The following SS18L1 variants were observed in gnomAD, a reference collection of about 807,000 sequenced individuals.
The protein encoded by SS18L1 is calcium-responsive transactivator.
In SS18L1, 32 loss-of-function variants were observed where a neutral mutation model predicts 70.3. The ratio of observed to expected loss-of-function variants is 0.46; its 90% CI spans 0.34 to 0.61. The LOEUF (loss-of-function observed/expected upper bound fraction) is 0.61, where lower values mean the gene tolerates loss of function less well. Ranked by LOEUF, SS18L1 falls within the 20% of genes least tolerant of loss-of-function variation. SS18L1 has a pLI of 0.01. For synonymous variants in SS18L1, 237 were observed against 229.7 expected (o/e 1.03, Z -0.29); for missense variants, 430 against 542.1 (o/e 0.79, Z 2.05).
In SS18L1 at chr20:62,180,979, T is replaced by A. The variant is rs2057697319; in HGVS notation, c.*1771T>A. The A allele has an allele frequency of 5.5e-6, 1 of 181,678 alleles. No individual in the cohort carries two copies. Among genetic ancestry groups the A allele is most frequent in the Non-Finnish European group, 1.2e-5 (1 of 85,248 alleles). The allele number at this position is 181,678 out of a possible 1,614,324, so 11.3% of individuals were successfully genotyped here. A position where few individuals can be genotyped will look rare whatever the true frequency, so the allele number is the denominator to read the frequency against. On this transcript the variant is annotated 3_prime_UTR_variant, in exon 11 of 11. Transcript: ENST00000331758. ...GGTGCTTTAGAATTTATAAGTCACT[T>A]ATGTGTTTTGCTTGAATTAATTCTG...
chr20:62,177,239 T>C (rs932122240), intron 10 of SS18L1, among the ~76,000 whole-genome samples: 1 of 151,828 alleles, frequency 6.6e-6, no homozygotes, highest in Non-Finnish European at 1.5e-5. Context: ...GATCGCGCCA[T>C]TGTATTCCAG....
chr20:62,178,292 C>T (rs185666471), intron 10 of SS18L1, among the ~76,000 whole-genome samples: 6 of 151,024 alleles, frequency 4.0e-5, no homozygotes, highest in African/African-American at 1.2e-4. Context: ...ATTACAGGCA[C>T]GTGCCACTAC....
At chr20:62,147,129 G>T (rs907747227) in intron 1 of SS18L1, among the ~76,000 whole-genome samples, 1 of 152,234 alleles carries the variant, frequency 6.6e-6, no homozygotes, top group Non-Finnish European at 1.5e-5. Flanking sequence ...ATGGGGCAGG[G>T]GCAGGGAGTC....
intron 8 of SS18L1, among the ~76,000 whole-genome samples, chr20:62,165,908 C>T (rs1200184080): frequency 1.3e-5 from 2 of 152,254 alleles, no homozygotes; most frequent in Admixed American, 1.3e-4. Context: ...AGAGCTTCCT[C>T]AGCTGGAGGC....
intron 1 of SS18L1, among the ~76,000 whole-genome samples, chr20:62,145,373 G>A (rs2057006792): frequency 6.6e-6 from 1 of 152,182 alleles, no homozygotes; most frequent in African/African-American, 2.4e-5. Flanking sequence ...ATCCCATACG[G>A]TGGCTCCAGG....
chr20:62,164,733 C>T (rs2057397051), intron 7 of SS18L1, among the ~76,000 whole-genome samples: 1 of 152,134 alleles, frequency 6.6e-6, no homozygotes, highest in East Asian at 1.9e-4. Flanking sequence ...GGAAGGGATA[C>T]TGAAAGTGGT....
At chr20:62,178,564 A>C (rs945802971) in intron 10 of SS18L1, among the ~76,000 whole-genome samples, 17 of 151,640 alleles carry the variant, frequency 1.1e-4, no homozygotes, top group African/African-American at 4.1e-4. Context: ...CCAAATTCAG[A>C]TTTGTTTTTG....
At chr20:62,163,381 C>T (rs771190065) in intron 5 of SS18L1, 77 bp from the exon 6 acceptor site, 112 of 1,582,834 alleles carry the variant, frequency 7.1e-5, no homozygotes, top group Middle Eastern at 2.2e-4. Context: ...CCCGCCCGGG[C>T]GCAGGAGGTA....
Position 62,163,374 on chromosome 20 carries a change from G to A in SS18L1, c.557-84G>A, listed in dbSNP as rs902991074. ...AGCACAGGAAAATAACGAGGAACCCGCCCGGGCGCAGGAGGTAGTTGGGTG... is the reference window on the plus strand; with the variant it reads ...AGCACAGGAAAATAACGAGGAACCCACCCGGGCGCAGGAGGTAGTTGGGTG... On this transcript the variant is annotated intron_variant, in intron 5 of 10. Coordinates refer to ENST00000331758, the MANE Select transcript of SS18L1 (RefSeq NM_198935.3). 44 of 1,544,144 alleles carry A rather than the reference G, an allele frequency of 2.8e-5. No homozygotes were observed. The Middle Eastern group carries it at 6.8e-4, about 24-fold the overall frequency.
chr20:62,165,616 T>A, intron 8 of SS18L1, 102 bp downstream of exon 8: 1 of 1,082,978 alleles, frequency 9.2e-7, no homozygotes, highest in Non-Finnish European at 1.4e-6. Flanking sequence ...CTTCAGTGAG[T>A]CCCTTAAATC....
At position 62,159,270 on chromosome 20, in the gene SS18L1, G is replaced by T. The variant is rs951274976; in HGVS notation, c.146+522G>T. 1.3e-5 allele frequency among the ~76,000 whole-genome samples: 2 copies of T among 152,206 alleles called. No homozygotes were observed. The highest frequency in any genetic ancestry group is 4.8e-5 in the African/African-American group (2 of 41,456). ...ACCTAGGGCCTGATGCGTAGGAGGGGTGCGTGGCCAGTCTGCCACCCTCCA... is the reference window on the plus strand; with the variant it reads ...ACCTAGGGCCTGATGCGTAGGAGGGTTGCGTGGCCAGTCTGCCACCCTCCA... On this transcript the variant is annotated intron_variant, in intron 2 of 10. Transcript: ENST00000331758. This position sits in a 1 kb window ranked among gnomAD's most constrained non-coding sequence, Gnocchi z 4.4.
At chr20:62,162,652 C>A in intron 4 of SS18L1, 100 bp from the exon 5 acceptor site, 1 of 1,309,502 alleles carries the variant, frequency 7.6e-7, no homozygotes, top group Non-Finnish European at 1.0e-6. Flanking sequence ...GATAGCAACT[C>A]TTCCCAAAGT....
At position 62,182,400 on chromosome 20, in the gene SS18L1, GTTA is replaced by G. The variant is rs2057727795; in HGVS notation, c.*3195_*3197del. 2.0e-5 allele frequency: 4 copies of G among 200,358 alleles called. No individual in the cohort carries two copies. Among genetic ancestry groups the G allele is most frequent in the African/African-American group, 4.6e-5 (2 of 43,224 alleles). 12.4% of individuals were successfully genotyped at this position (200,358 alleles called of 1,614,324 possible). ...GTACATTTAAAAAACATCCTTATCGGTTATTTTTTTTTCAGTCGGAGTTTGACG... is the reference window on the plus strand; with the variant it reads ...GTACATTTAAAAAACATCCTTATCGGTTTTTTTTTCAGTCGGAGTTTGACG... On this transcript the variant is annotated 3_prime_UTR_variant, in exon 11 of 11. Coordinates refer to ENST00000331758, the MANE Select transcript of SS18L1 (RefSeq NM_198935.3).
Position 62,174,383 on chromosome 20 carries a change from G to A in SS18L1, c.1037-134G>A, listed in dbSNP as rs2057583695. On this transcript the variant is annotated intron_variant, in intron 9 of 10. Transcript: ENST00000331758. The surrounding 1 kb of genome is among the most constrained non-coding windows in gnomAD (Gnocchi z 4.1). ...GCAGGTGCCAGGTGTTCTGGAGATT[G>A]ACAAAAGGCTGATGCATTGAGACGG... 1.4e-6 allele frequency: 2 copies of A among 1,425,618 alleles called. No individual in the cohort carries two copies. The highest frequency in any genetic ancestry group is 2.5e-5 in the East Asian group (1 of 39,994). The allele number at this position is 1,425,618 out of a possible 1,614,324, so 88.3% of individuals were successfully genotyped here.
Position 62,165,417 on chromosome 20 carries a change from C to T in SS18L1, c.824-5C>T. The stretch of plus-strand genomic sequence containing the variant: ...GCTGACTGTCGCCGTCTCCGTTTCG[C>T]ACAGGCCATGGCGATTACGCCTACC... On this transcript the variant is annotated splice_region_variant and splice_polypyrimidine_tract_variant and intron_variant, in intron 7 of 10. Transcript: ENST00000331758. 1.2e-6 allele frequency: 2 copies of T among 1,610,788 alleles called. No homozygotes were observed. The highest frequency in any genetic ancestry group is 1.1e-5 in the South Asian group (1 of 90,724).
chr20:62,150,339 G>A (rs1253407185), intron 1 of SS18L1, among the ~76,000 whole-genome samples: 3 of 148,428 alleles, frequency 2.0e-5, no homozygotes, highest in Non-Finnish European at 4.4e-5. Context: ...ATGGGTCAGC[G>A]ATGTCTGCCC....
chr20:62,158,851 A>T lies in SS18L1; in HGVS notation c.146+103A>T, dbSNP rs1368623016. 3.1e-6 allele frequency: 5 copies of T among 1,604,922 alleles called. No homozygotes were observed. The African/African-American group carries it at 6.8e-5, about 22-fold the overall frequency. The stretch of plus-strand genomic sequence containing the variant: ...AGTCCCCCAGCACAGAGATCAGATA[A>T]GTCCCAGGAGTCCCCAGCACGGAGG... On this transcript the variant is annotated intron_variant, in intron 2 of 10. Transcript: ENST00000331758. The surrounding 1 kb of genome is among the most constrained non-coding windows in gnomAD (Gnocchi z 4.5).
At chr20:62,164,122 C>A (rs80284291) in intron 6 of SS18L1, 23 bp from the exon 7 acceptor site, 11 of 1,545,030 alleles carry the variant, frequency 7.1e-6, no homozygotes, top group African/African-American at 1.4e-5. Context: ...CCCGCACTGG[C>A]GCTGAATGTG....
intron 1 of SS18L1, among the ~76,000 whole-genome samples, chr20:62,155,526 G>A (rs2057207057): frequency 6.6e-6 from 1 of 152,176 alleles, no homozygotes; most frequent in Admixed American, 6.5e-5. Flanking sequence ...GGGCCGCACC[G>A]CTGTGGCTTC....
Sources: gnomAD v4.1 joint callset for allele counts (sites outside exome capture counted in the v4.1 genomes callset) on GRCh38, gnomAD v4.1.1 for gene constraint, Gnocchi (gnomAD v3.1) non-coding constraint, MANE v1.5 for transcripts, NCBI Gene and HGNC (gene_info 2026-07-23, HGNC 2026-07-21) for gene names.